Variants in ROBO1 observed in about 807,000 individuals in gnomAD.
The protein encoded by ROBO1 is roundabout homolog 1.
A neutral mutation model predicts 195.9 loss-of-function variants in ROBO1; 149 were observed. The observed-to-expected ratio is 0.76, with a 90% CI of 0.67 to 0.87. The LOEUF is 0.87. Among genes scored for constraint, ROBO1 ranks in the 40% least tolerant of loss-of-function variants. The pLI is 0.00. For synonymous variants in ROBO1, 816 were observed against 733.2 expected (o/e 1.11, Z -1.82); for missense variants, 1,933 against 2,068.3 (o/e 0.93, Z 1.27).
intron 2 of ROBO1, among the ~76,000 whole-genome samples, chr3:79,237,099 A>G (rs2108868007): frequency 6.6e-6 from 1 of 152,330 alleles, no homozygotes; most frequent in Non-Finnish European, 1.5e-5. Flanking sequence ...AAAAAACAAG[A>G]AAAGCAAGCA....
intron 3 of ROBO1, among the ~76,000 whole-genome samples, chr3:79,098,794 A>AT (rs1371826628): frequency 6.6e-6 from 1 of 151,696 alleles, no homozygotes; most frequent in Non-Finnish European, 1.5e-5. Flanking sequence ...TAACTAATTA[A>AT]TTTTTTCAGA....
At chr3:79,260,386 G>A (rs1027386156) in intron 2 of ROBO1, among the ~76,000 whole-genome samples, 3 of 151,858 alleles carry the variant, frequency 2.0e-5, no homozygotes, top group African/African-American at 4.8e-5. Flanking sequence ...ATATATCTAC[G>A]TTGTATATCT....
chr3:78,897,624 G>C (rs1008684848), intron 4 of ROBO1, among the ~76,000 whole-genome samples: 6 of 22,854 alleles, frequency 2.6e-4, no homozygotes, highest in African/African-American at 8.8e-4. Context: ...ATGGCTATCA[G>C]CCCTTTTTAT....
intron 4 of ROBO1, among the ~76,000 whole-genome samples, chr3:78,877,370 G>T (rs1323451193): frequency 6.6e-6 from 1 of 151,838 alleles, no homozygotes; most frequent in African/African-American, 2.4e-5. Context: ...ACAAAAGAAA[G>T]TCAGTGAACA....
intron 2 of ROBO1, among the ~76,000 whole-genome samples, chr3:79,226,938 A>G (rs2082237375): frequency 6.6e-6 from 1 of 152,074 alleles, no homozygotes; most frequent in South Asian, 2.1e-4. Flanking sequence ...ATCTACATCT[A>G]AGGCCAATCT....
At chr3:79,684,274 C>G (rs1947035372) in intron 1 of ROBO1, among the ~76,000 whole-genome samples, 1 of 151,996 alleles carries the variant, frequency 6.6e-6, no homozygotes, top group South Asian at 2.1e-4. Flanking sequence ...CTATTAAAAC[C>G]CTTTGCCCAG....
intron 1 of ROBO1, among the ~76,000 whole-genome samples, chr3:79,725,362 G>T (rs1000841978): frequency 1.3e-5 from 2 of 151,436 alleles, no homozygotes; most frequent in Non-Finnish European, 2.9e-5. Flanking sequence ...GAGTAGCTGG[G>T]ACTACAGGCG....
At chr3:78,902,928 T>C (rs140803912) in intron 4 of ROBO1, among the ~76,000 whole-genome samples, 220 of 152,306 alleles carry the variant, frequency 1.4e-3, no homozygotes, top group African/African-American at 5.1e-3. Flanking sequence ...AGCTACAGCG[T>C]TTCATTTTTC....
chr3:79,031,100 A>G (rs1332387971), intron 3 of ROBO1, among the ~76,000 whole-genome samples: 1 of 152,236 alleles, frequency 6.6e-6, no homozygotes, highest in Non-Finnish European at 1.5e-5. Flanking sequence ...GGCAGAGTGC[A>G]CCATTGAATC....
chr3:79,327,630 T>C (rs948579996), intron 2 of ROBO1, among the ~76,000 whole-genome samples: 1 of 152,070 alleles, frequency 6.6e-6, no homozygotes, highest in Non-Finnish European at 1.5e-5. Flanking sequence ...AAATAGGTAA[T>C]GATGTTCTTT....
chr3:79,719,344 C>A lies in ROBO1; in HGVS notation c.-51+48408G>T, dbSNP rs181068399. Among the ~76,000 whole-genome samples, 804 of 152,038 alleles carry A rather than the reference C, an allele frequency of 5.3e-3. 7 individuals carry two copies. Among genetic ancestry groups the A allele is most frequent in the African/African-American group, 0.019 (772 of 41,492 alleles). ...ATTAAACTTTTATTAAATCTTGTCC[C>A]ACCAATATAATAGACTAAAATTATT... On this transcript the variant is annotated intron_variant, in intron 1 of 30. Transcript: ENST00000464233.
chr3:79,678,947 C>A (rs966809665), intron 1 of ROBO1, among the ~76,000 whole-genome samples: 3 of 151,970 alleles, frequency 2.0e-5, no homozygotes, highest in Non-Finnish European at 4.4e-5. Context: ...ACAAAATGGA[C>A]ACTTAATGAA....
intron 1 of ROBO1, among the ~76,000 whole-genome samples, chr3:79,620,723 C>T (rs373731809): frequency 9.9e-4 from 150 of 152,114 alleles, no homozygotes; most frequent in African/African-American, 3.4e-3. Context: ...ACCTTTACTC[C>T]CTCCTTGGCA....
chr3:79,654,911 G>A (rs531124361), intron 1 of ROBO1, among the ~76,000 whole-genome samples: 1 of 151,966 alleles, frequency 6.6e-6, no homozygotes, highest in Non-Finnish European at 1.5e-5. Flanking sequence ...CCGCCTCTTA[G>A]GTCTGTGTAA....
chr3:79,009,202 C>T (rs2077715435), intron 3 of ROBO1, among the ~76,000 whole-genome samples: 1 of 150,894 alleles, frequency 6.6e-6, no homozygotes, highest in Non-Finnish European at 1.5e-5. Flanking sequence ...GATCCACCCG[C>T]CTCAGCCTCC....
chr3:79,735,655 G>A (rs1416833597), intron 1 of ROBO1, among the ~76,000 whole-genome samples: 1 of 152,158 alleles, frequency 6.6e-6, no homozygotes, highest in Non-Finnish European at 1.5e-5. Context: ...TGGATCATGA[G>A]GTCAGGAGAT....
chr3:79,253,717 G>T (rs558457316), intron 2 of ROBO1, among the ~76,000 whole-genome samples: 1 of 152,274 alleles, frequency 6.6e-6, no homozygotes, highest in South Asian at 2.1e-4. Flanking sequence ...TCCTGCAAGT[G>T]CAAAAATCTT....
At chr3:78,780,409 G>A (rs1226705328) in intron 4 of ROBO1, among the ~76,000 whole-genome samples, 2 of 151,898 alleles carry the variant, frequency 1.3e-5, no homozygotes, top group South Asian at 2.1e-4. Context: ...CTCAGTTAGA[G>A]CAAGGTACAA....
At chr3:78,669,672 T>C (rs1460969428) in intron 11 of ROBO1, among the ~76,000 whole-genome samples, 15 of 152,176 alleles carry the variant, frequency 9.9e-5, no homozygotes. Context: ...GCATGTATAG[T>C]TTTGCCATTG....
Sources: gnomAD v4.1 joint callset for allele counts (sites outside exome capture counted in the v4.1 genomes callset) on GRCh38, gnomAD v4.1.1 for gene constraint, MANE v1.5 for transcripts, NCBI Gene and HGNC (gene_info 2026-07-23, HGNC 2026-07-21) for gene names.